RANBP2: variants seen among roughly 807,000 people sequenced by gnomAD.
RANBP2 encodes E3 SUMO-protein ligase RanBP2.
A neutral mutation model predicts 303.6 loss-of-function variants in RANBP2; 57 were observed. The observed-to-expected ratio is 0.19, with a 90% CI of 0.15 to 0.23. The LOEUF is 0.23. Among genes scored for constraint, RANBP2 ranks in the 10% least tolerant of loss-of-function variants. The pLI is 1.00. For missense variants in RANBP2, 3,138 were observed against 3,780.8 expected (o/e 0.83, Z 4.46); for synonymous variants, 1,167 against 1,301.5 (o/e 0.90, Z 2.23).
chr2:109,025,195 C>T, the RANBP2 span, among the ~76,000 whole-genome samples: 4 of 152,198 alleles, frequency 2.6e-5, no homozygotes, highest in Non-Finnish European at 5.9e-5. Context: ...GAATTTCCTT[C>T]CTTTTTAAGG....
the RANBP2 span, among the ~76,000 whole-genome samples, chr2:108,947,003 A>T: frequency 5.3e-5 from 8 of 152,198 alleles, no homozygotes; most frequent in Non-Finnish European, 1.0e-4. Context: ...AGACAAGGCA[A>T]ATCCCTTCTG....
the RANBP2 span, among the ~76,000 whole-genome samples, chr2:109,281,011 C>T: frequency 4.1e-4 from 63 of 152,342 alleles, no homozygotes; most frequent in African/African-American, 1.4e-3. Context: ...TAAAGCCTCA[C>T]GCTCCTGACA....
At chr2:109,501,432 A>T in the RANBP2 span, 4 of 677,904 alleles carry the variant, frequency 5.9e-6, no homozygotes, top group Non-Finnish European at 1.1e-5. Context: ...ACACCGAGGG[A>T]AGAAGAGAAA....
chr2:109,651,255 C>T, the RANBP2 span, among the ~76,000 whole-genome samples: 12 of 152,232 alleles, frequency 7.9e-5, no homozygotes, highest in East Asian at 3.9e-4. Context: ...AGAAACAATA[C>T]CACATATTAC....
chr2:109,200,919 C>T, the RANBP2 span, among the ~76,000 whole-genome samples: 6,325 of 152,264 alleles, frequency 0.042, 412 homozygotes, highest in African/African-American at 0.14. Context: ...GCCCTGGGTG[C>T]TGTTGGGATA....
At position 108,740,644 on chromosome 2, in the gene RANBP2, C is replaced by A; in HGVS notation, c.938C>A (p.Ser313Tyr). ...AGTAATGTTCAATGGCGAGCTCTTT[C>A]TGAGCTGGCTGCATTGTGCTATCTC... is the stretch of plus-strand genomic sequence containing the variant. ...HSSNVQWRAL[S>Y]ELAALCYLIA... Residue 313 changes from serine (S) to tyrosine (Y), a missense_variant, in exon 7 of 29, where the codon TCT becomes TAT. Coordinates refer to ENST00000283195, the MANE Select transcript of RANBP2 (RefSeq NM_006267.5). 3.1e-6 allele frequency: 5 copies of A among 1,597,512 alleles called. No homozygotes were observed. The highest frequency in any genetic ancestry group is 4.2e-6 in the Non-Finnish European group (5 of 1,179,766).
chr2:109,125,538 T>C, the RANBP2 span, among the ~76,000 whole-genome samples: 1 of 152,204 alleles, frequency 6.6e-6, no homozygotes, highest in Non-Finnish European at 1.5e-5. Flanking sequence ...GGAAGTAATC[T>C]CACAAGTCTG....
chr2:109,384,218 G>C, the RANBP2 span, among the ~76,000 whole-genome samples: 1 of 152,214 alleles, frequency 6.6e-6, no homozygotes, highest in South Asian at 2.1e-4. Context: ...CGGGGATGCA[G>C]CCTGAATGAA....
At chr2:108,878,860 TAAAG>T in the RANBP2 span, among the ~76,000 whole-genome samples, 3 of 152,212 alleles carry the variant, frequency 2.0e-5, no homozygotes, top group South Asian at 4.1e-4. Flanking sequence ...AAATGTAAGA[TAAAG>T]AATCCTTTTG....
At chr2:109,242,125 C>G in the RANBP2 span, among the ~76,000 whole-genome samples, 1 of 152,082 alleles carries the variant, frequency 6.6e-6, no homozygotes, top group African/African-American at 2.4e-5. Flanking sequence ...CCTGTTTTCC[C>G]TGGTCATGGT....
chr2:109,103,128 C>T, the RANBP2 span, among the ~76,000 whole-genome samples: 192 of 152,324 alleles, frequency 1.3e-3, 3 homozygotes, highest in Non-Finnish European at 2.9e-4. Context: ...CCCTGGCTGA[C>T]GAGTCCCCTG....
chr2:109,181,066 C>G, the RANBP2 span, among the ~76,000 whole-genome samples: 1 of 152,224 alleles, frequency 6.6e-6, no homozygotes, highest in African/African-American at 2.4e-5. Flanking sequence ...ACACACAGTA[C>G]TCACAGACCC....
the RANBP2 span, among the ~76,000 whole-genome samples, chr2:108,985,297 T>C: frequency 7.2e-5 from 11 of 152,140 alleles, 1 homozygote; most frequent in Admixed American, 1.3e-4. Context: ...AACGTGACTG[T>C]GGTTGTTATT....
At chr2:108,945,549 T>A in the RANBP2 span, among the ~76,000 whole-genome samples, 1 of 152,192 alleles carries the variant, frequency 6.6e-6, no homozygotes, top group Non-Finnish European at 1.5e-5. Flanking sequence ...TTGTTGGCAC[T>A]GTCTGCATTT....
chr2:108,890,929 C>T, the RANBP2 span, among the ~76,000 whole-genome samples: 3 of 151,954 alleles, frequency 2.0e-5, no homozygotes, highest in East Asian at 3.9e-4. Context: ...ATTCTTTATT[C>T]TCCCTTATGC....
At chr2:108,812,570 C>T in the RANBP2 span, 1 of 1,241,754 alleles carries the variant, frequency 8.1e-7, no homozygotes, top group Non-Finnish European at 1.2e-6. Flanking sequence ...GATTGGGAAA[C>T]CCTTAGTATG....
the RANBP2 span, among the ~76,000 whole-genome samples, chr2:108,843,406 C>T: frequency 6.6e-6 from 1 of 152,226 alleles, no homozygotes; most frequent in Non-Finnish European, 1.5e-5. Context: ...GATCCACCTG[C>T]CGTGGCCTCC....
At chr2:109,386,002 A>G in the RANBP2 span, among the ~76,000 whole-genome samples, 1 of 152,214 alleles carries the variant, frequency 6.6e-6, no homozygotes, top group South Asian at 2.1e-4. Flanking sequence ...AGTTGTAGCA[A>G]TTCTTCATAC....
the RANBP2 span, among the ~76,000 whole-genome samples, chr2:109,371,207 G>A: frequency 6.6e-6 from 1 of 152,134 alleles, no homozygotes; most frequent in Non-Finnish European, 1.5e-5. Context: ...TGGGCAACAT[G>A]GCAAGACACC....
Sources: allele counts gnomAD v4.1 joint callset (sites outside exome capture counted in the v4.1 genomes callset), GRCh38; gene constraint gnomAD v4.1.1; transcripts MANE v1.5; gene names NCBI Gene and HGNC (gene_info 2026-07-23, HGNC 2026-07-21).